Variants in RPSA2 observed in about 807,000 individuals in gnomAD.
RPSA2 encodes the protein ribosomal protein SA 2, also known as small ribosomal subunit protein uS2B.
chr19:23,841,829 G>A, the RPSA2 span, among the ~76,000 whole-genome samples: 22 of 152,318 alleles, frequency 1.4e-4, no homozygotes, highest in East Asian at 4.1e-3. Flanking sequence ...TATTAGCAGA[G>A]ATGAGCACTT....
At chr19:23,860,052 G>A in the RPSA2 span, among the ~76,000 whole-genome samples, 31 of 152,178 alleles carry the variant, frequency 2.0e-4, no homozygotes, top group South Asian at 4.8e-3. Context: ...AGTTTGCATT[G>A]CACTTTGCTG....
chr19:23,786,586 T>C, the RPSA2 span, among the ~76,000 whole-genome samples: 2 of 152,242 alleles, frequency 1.3e-5, no homozygotes, highest in African/African-American at 4.8e-5. Context: ...TACATATTGC[T>C]GGGTTAAACA....
chr19:23,857,754 C>G, the RPSA2 span, among the ~76,000 whole-genome samples: 1 of 152,070 alleles, frequency 6.6e-6, no homozygotes, highest in Non-Finnish European at 1.5e-5. Context: ...CTTGGCCTCC[C>G]AAAGTGCTGG....
At chr19:23,808,272 A>AATTTTTTTTTTTTTT in the RPSA2 span, among the ~76,000 whole-genome samples, 1 of 126,930 alleles carries the variant, frequency 7.9e-6, no homozygotes, top group Non-Finnish European at 1.6e-5. Flanking sequence ...TACAAAATTA[A>AATTTTTTTTTTTTTT]TTTTTTTTTT....
chr19:23,804,633 A>G, the RPSA2 span, among the ~76,000 whole-genome samples: 1 of 152,166 alleles, frequency 6.6e-6, no homozygotes, highest in Non-Finnish European at 1.5e-5. Flanking sequence ...TAATGAGCCC[A>G]GAGAGAGCGA....
the RPSA2 span, chr19:23,763,022 C>T: frequency 1.3e-5 from 2 of 152,572 alleles, 1 homozygote; most frequent in Non-Finnish European, 2.9e-5. Context: ...GGATCGGTCT[C>T]TTCTGTTCCG....
At chr19:23,867,161 G>T in the RPSA2 span, among the ~76,000 whole-genome samples, 16 of 152,176 alleles carry the variant, frequency 1.1e-4, 1 homozygote, top group East Asian at 2.9e-3. Context: ...AAAAAAAAAT[G>T]TATGGGCTTA....
chr19:23,773,168 C>T, the RPSA2 span, among the ~76,000 whole-genome samples: 7,201 of 151,644 alleles, frequency 0.047, 309 homozygotes, highest in South Asian at 0.079. Context: ...ACGATCTCAG[C>T]TCACTGCAAG....
chr19:23,859,969 C>T, the RPSA2 span, among the ~76,000 whole-genome samples: 1 of 152,176 alleles, frequency 6.6e-6, no homozygotes, highest in Non-Finnish European at 1.5e-5. Flanking sequence ...ACGAAGGCAG[C>T]CCATACATTC....
At chr19:23,787,937 G>A in the RPSA2 span, among the ~76,000 whole-genome samples, 6 of 151,916 alleles carry the variant, frequency 3.9e-5, no homozygotes, top group Admixed American at 2.6e-4. Context: ...TTTTATCTTC[G>A]TTTTGTCCGT....
the RPSA2 span, among the ~76,000 whole-genome samples, chr19:23,804,813 G>A: frequency 6.6e-6 from 1 of 152,240 alleles, no homozygotes; most frequent in African/African-American, 2.4e-5. Context: ...CTTCTAATTA[G>A]AATCACATGG....
chr19:23,833,959 A>T, the RPSA2 span, among the ~76,000 whole-genome samples: 1 of 152,084 alleles, frequency 6.6e-6, no homozygotes. Flanking sequence ...AATTTGGAAA[A>T]ACATTTTTTC....
At chr19:23,870,381 G>A in the RPSA2 span, among the ~76,000 whole-genome samples, 1 of 99,922 alleles carries the variant, frequency 1.0e-5, no homozygotes, top group East Asian at 3.1e-4. Context: ...AAAGCTTACA[G>A]TTGCAACAGA....
the RPSA2 span, among the ~76,000 whole-genome samples, chr19:23,820,796 C>T: frequency 1.8e-4 from 28 of 152,340 alleles, no homozygotes; most frequent in Non-Finnish European, 3.7e-4. Context: ...GAGCTATCAG[C>T]TCTGCTTTTT....
chr19:23,843,919 C>T, the RPSA2 span, among the ~76,000 whole-genome samples: 1 of 152,118 alleles, frequency 6.6e-6, no homozygotes, highest in Non-Finnish European at 1.5e-5. Flanking sequence ...ACCACCACAC[C>T]TGGCTAATTT....
chr19:23,854,871 T>G, the RPSA2 span, among the ~76,000 whole-genome samples: 69 of 152,280 alleles, frequency 4.5e-4, no homozygotes, highest in Non-Finnish European at 8.5e-4. Flanking sequence ...GGCAACACCT[T>G]GTGATCAGGT....
chr19:23,805,321 CGCCCTGCTAATTTTCT>C, the RPSA2 span, among the ~76,000 whole-genome samples: 1 of 152,112 alleles, frequency 6.6e-6, no homozygotes, highest in East Asian at 1.9e-4. Flanking sequence ...TGTGCCACCA[CGCCCTGCTAATTTTCT>C]ATTTTTAGTA....
the RPSA2 span, among the ~76,000 whole-genome samples, chr19:23,762,455 C>T: frequency 2.6e-5 from 4 of 151,668 alleles, no homozygotes; most frequent in African/African-American, 7.2e-5. Context: ...GCGGGCGGAA[C>T]ACCTGGGATC....
At chr19:23,800,297 C>T in the RPSA2 span, among the ~76,000 whole-genome samples, 1 of 152,040 alleles carries the variant, frequency 6.6e-6, no homozygotes, top group Non-Finnish European at 1.5e-5. Flanking sequence ...CCGCCTTGGC[C>T]TCCCAAAGCT....
Sources: gnomAD v4.1 joint callset for allele counts (sites outside exome capture counted in the v4.1 genomes callset) on GRCh38, gnomAD v4.1.1 for gene constraint, MANE v1.5 for transcripts, NCBI Gene and HGNC (gene_info 2026-07-23, HGNC 2026-07-21) for gene names.